PRKCI: variants seen among roughly 807,000 people sequenced by gnomAD.
The protein encoded by PRKCI is protein kinase C iota, also known as protein kinase C iota type.
Under a neutral mutation model 84.0 loss-of-function variants are expected in PRKCI, and 43 were observed. That is an observed-to-expected ratio of 0.51 (90% CI 0.40 to 0.66). The LOEUF is 0.66. Among genes scored for constraint, PRKCI ranks in the 30% least tolerant of loss-of-function variants. PRKCI has a pLI of 0.00. For missense variants in PRKCI, 459 were observed against 745.6 expected, an observed-to-expected ratio of 0.62 and a Z score of 4.48; for synonymous variants, 216 against 234.4, an observed-to-expected ratio of 0.92 and a Z score of 0.72.
intron 2 of PRKCI, among the ~76,000 whole-genome samples, chr3:170,238,380 A>G (rs950574270): frequency 6.6e-6 from 1 of 151,634 alleles, no homozygotes; most frequent in Non-Finnish European, 1.5e-5. Flanking sequence ...AAAAAATTAT[A>G]TACAAATCGT....
At chr3:170,279,825 T>C (rs1454523653) in intron 8 of PRKCI, among the ~76,000 whole-genome samples, 5 of 152,236 alleles carry the variant, frequency 3.3e-5, no homozygotes, top group Non-Finnish European at 4.4e-5. Flanking sequence ...TTCTCTCCAG[T>C]AACTTTGTCA....
chr3:170,297,428 C>A, intron 16 of PRKCI, 35 bp downstream of exon 16: 1 of 1,532,198 alleles, frequency 6.5e-7, no homozygotes, highest in East Asian at 2.3e-5. Flanking sequence ...TATTAGGTTT[C>A]ATTATTATCT....
Position 170,250,432 on chromosome 3 carries a change from A to ACC in PRKCI, c.224-9526_224-9525dup, listed in dbSNP as rs67204438. On this transcript the variant is annotated intron_variant, in intron 2 of 17. Coordinates refer to ENST00000295797, the MANE Select transcript of PRKCI (RefSeq NM_002740.6). ...CAATTATAGAACATTTTCATTACCA[A>ACC]CCCCCCCCCCCCAAAAAAAAATCTC... Among the ~76,000 whole-genome samples the ACC allele has an allele frequency of 2.9e-3, 158 of 55,134 alleles. 7 individuals are homozygous for ACC. Among genetic ancestry groups the ACC allele is most frequent in the Middle Eastern group, 8.1e-3 (1 of 124 alleles). 36.2% of individuals were successfully genotyped at this position (55,134 alleles called of 152,430 possible). A position where few individuals can be genotyped will look rare whatever the true frequency, so the allele number is the denominator to read the frequency against.
rs1442707416 is a variant in PRKCI at position 170,293,517 on chromosome 3, G to T, written c.1417+9G>T. On this transcript the variant is annotated intron_variant, in intron 14 of 17. Transcript: ENST00000295797. ...GGATTATCTCTTCCAAGGTAATTTG[G>T]AGTATTTTACAGAGATTCTCTGAGA... 3.1e-6 allele frequency: 5 copies of T among 1,612,280 alleles called. No homozygotes were observed. In the Admixed American group the frequency reaches 6.7e-5, roughly 22 times the overall value.
intron 12 of PRKCI, 26 bp downstream of exon 12, chr3:170,284,622 A>T (rs753513869): frequency 6.2e-7 from 1 of 1,600,622 alleles, no homozygotes; most frequent in Non-Finnish European, 8.5e-7. Flanking sequence ...TAGTTATTTT[A>T]AAAGGTCTTC....
intron 2 of PRKCI, among the ~76,000 whole-genome samples, chr3:170,246,155 C>T (rs1334319782): frequency 1.3e-5 from 2 of 151,278 alleles, no homozygotes; most frequent in East Asian, 1.9e-4. Context: ...GACAGAGTCT[C>T]GCTCTTGTCA....
intron 2 of PRKCI, among the ~76,000 whole-genome samples, chr3:170,236,729 C>T (rs1041568466): frequency 3.3e-5 from 5 of 151,712 alleles, no homozygotes; most frequent in East Asian, 1.9e-4. Context: ...CTGGTGGTAG[C>T]GTGCACCTGT....
At position 170,275,205 on chromosome 3, in the gene PRKCI, T is replaced by TA. The variant is rs974756760; in HGVS notation, c.647-22dup. The TA allele has an allele frequency of 2.7e-6, 4 of 1,482,986 alleles. No individual in the cohort carries two copies. The African/African-American group carries it at 4.5e-5, about 17-fold the overall frequency. The allele number at this position is 1,482,986 out of a possible 1,614,324, so 91.9% of individuals were successfully genotyped here. A position where few individuals can be genotyped will look rare whatever the true frequency, so the allele number is the denominator to read the frequency against. ...CCTGCACCTTTTTTTTTTTTTTTTT[T>TA]AATGTTTGGTATTGGGTTTTTAGTA... is the stretch of plus-strand genomic sequence containing the variant. On this transcript the variant is annotated intron_variant, in intron 7 of 17. Transcript: ENST00000295797.
At position 170,260,012 on chromosome 3, in the gene PRKCI, C is replaced by G. The variant is rs1464082583; in HGVS notation, c.267C>G (p.Ala89=). The G allele has an allele frequency of 6.8e-6, 11 of 1,612,782 alleles. No individual in the cohort carries two copies. The African/African-American group carries it at 1.5e-4, about 22-fold the overall frequency. The change falls in exon 3 of 18, where the codon GCC becomes GCG. Residue 89 remains alanine (A), a synonymous_variant. Transcript: ENST00000295797. ...TVSSQLELEE[A]FRLYELNKDS... is the part of the protein sequence containing the mutation. ...CATCTCAGTTGGAGTTAGAAGAAGC[C>G]TTTAGACTTTATGAGCTAAACAAGG...
At chr3:170,252,889 T>C (rs985174624) in intron 2 of PRKCI, among the ~76,000 whole-genome samples, 3 of 152,218 alleles carry the variant, frequency 2.0e-5, no homozygotes, top group African/African-American at 7.2e-5. Context: ...GTTCCCAGCT[T>C]CTGGTAGCTA....
chr3:170,282,938 C>G (rs967653597), intron 11 of PRKCI, among the ~76,000 whole-genome samples: 8 of 151,938 alleles, frequency 5.3e-5, no homozygotes, highest in African/African-American at 1.9e-4. Context: ...AACCCCATCT[C>G]TACTAAAAAT....
rs1000989303 is a variant in PRKCI at position 170,263,023 on chromosome 3, G to A, written c.314-356G>A. ...GTCTCTACTAAAAATACAAAAATTA[G>A]CCGGGCATGGTGGCGCGTGCCTGTA... On this transcript the variant is annotated intron_variant, in intron 3 of 17. Coordinates refer to ENST00000295797, the MANE Select transcript of PRKCI (RefSeq NM_002740.6). 6.6e-5 allele frequency among the ~76,000 whole-genome samples: 10 copies of A among 151,610 alleles called. No homozygotes were observed. In the South Asian group the frequency reaches 1.7e-3, roughly 25 times the overall value.
At chr3:170,264,562 A>G (rs1282458940) in intron 4 of PRKCI, among the ~76,000 whole-genome samples, 1 of 152,150 alleles carries the variant, frequency 6.6e-6, no homozygotes, top group Admixed American at 6.6e-5. Flanking sequence ...TACAGGTGTG[A>G]GCCACTGCAC....
chr3:170,226,486 C>T (rs1256827168), intron 1 of PRKCI, among the ~76,000 whole-genome samples: 7 of 152,284 alleles, frequency 4.6e-5, no homozygotes, highest in Middle Eastern at 6.8e-3. Flanking sequence ...AAGGCAACAT[C>T]TGGACTGCTC....
chr3:170,292,870 T>C (rs1443597046), intron 13 of PRKCI, among the ~76,000 whole-genome samples: 2 of 151,076 alleles, frequency 1.3e-5, no homozygotes, highest in African/African-American at 2.4e-5. Context: ...TGAAACCCTG[T>C]CTCTACTGAA....
At chr3:170,260,091 C>A in intron 3 of PRKCI, 33 bp downstream of exon 3, 5 of 1,350,294 alleles carry the variant, frequency 3.7e-6, no homozygotes, top group Non-Finnish European at 5.2e-6. Context: ...CTCGTCCAGA[C>A]TGATAATTTC....
chr3:170,275,752 A>G (rs1734098820), intron 8 of PRKCI, among the ~76,000 whole-genome samples: 1 of 152,172 alleles, frequency 6.6e-6, no homozygotes, highest in South Asian at 2.1e-4. Flanking sequence ...AAAAAAGCTT[A>G]TAGTGAAAAA....
In PRKCI at chr3:170,233,625, A is replaced by G. The variant is rs536515647; in HGVS notation, c.102-1605A>G. The stretch of plus-strand genomic sequence containing the variant: ...CGCAATTACTGAGAGCTAAGTGTTT[A>G]TATAAAACTCCCTTGAATGTTTTAG... On this transcript the variant is annotated intron_variant, in intron 1 of 17. Transcript: ENST00000295797. 1.8e-4 allele frequency among the ~76,000 whole-genome samples: 28 copies of G among 152,350 alleles called. 1 individual carries two copies. The South Asian group carries it at 5.8e-3, about 32-fold the overall frequency.
chr3:170,242,515 C>CAA, intron 2 of PRKCI, among the ~76,000 whole-genome samples: 1 of 152,046 alleles, frequency 6.6e-6, no homozygotes, highest in East Asian at 1.9e-4. Flanking sequence ...TAAGTACCTC[C>CAA]AAGCATATCT....
Sources: gnomAD v4.1 joint callset for allele counts (sites outside exome capture counted in the v4.1 genomes callset) on GRCh38, gnomAD v4.1.1 for gene constraint, MANE v1.5 for transcripts, NCBI Gene and HGNC (gene_info 2026-07-23, HGNC 2026-07-21) for gene names.